Variants in FTO observed in about 807,000 individuals in gnomAD.
The protein encoded by FTO is FTO alpha-ketoglutarate dependent dioxygenase.
Under a neutral mutation model 63.9 loss-of-function variants are expected in FTO, and 47 were observed. The observed-to-expected ratio is 0.74, with a 90% confidence interval of 0.58 to 0.94. The LOEUF (loss-of-function observed/expected upper bound fraction) is 0.94. FTO is among the 40% of genes least tolerant of loss of function. The probability of loss-of-function intolerance (pLI) is 0.00; values close to 1 mark genes in which losing one functional copy is unlikely to be tolerated. For missense variants in FTO, 562 were observed against 618.1 expected (o/e 0.91, Z 0.96); for synonymous variants, 207 against 224.4 (o/e 0.92, Z 0.69).
chr16:54,008,338 A>G (rs2084258974), intron 8 of FTO: 1 of 149,938 alleles, frequency 6.7e-6, no homozygotes. Flanking sequence ...ATCCCCTTTT[A>G]TTTGATGTCT....
chr16:53,973,854 A>C (rs1331531182), intron 8 of FTO, among the ~76,000 whole-genome samples: 1 of 152,222 alleles, frequency 6.6e-6, no homozygotes, highest in Non-Finnish European at 1.5e-5. Context: ...AGATCTGTCC[A>C]CTTTACCGTA....
At chr16:54,026,290 C>A (rs1256272188) in intron 8 of FTO, among the ~76,000 whole-genome samples, 1 of 152,136 alleles carries the variant, frequency 6.6e-6, no homozygotes, top group Non-Finnish European at 1.5e-5. Context: ...AGGTTTCCCT[C>A]ACGGTCACAA....
chr16:54,035,157 A>G (rs2084915330), intron 8 of FTO, among the ~76,000 whole-genome samples: 1 of 152,246 alleles, frequency 6.6e-6, no homozygotes, highest in Non-Finnish European at 1.5e-5. Context: ...CTGATTTGTC[A>G]TTCTTGTTTT....
intron 8 of FTO, among the ~76,000 whole-genome samples, chr16:54,050,601 C>T (rs1222673135): frequency 6.6e-6 from 1 of 152,106 alleles, no homozygotes; most frequent in Non-Finnish European, 1.5e-5. Flanking sequence ...CTCCTACCCA[C>T]ACCCCCAACC....
intron 1 of FTO, among the ~76,000 whole-genome samples, chr16:53,763,356 T>C (rs2077118409): frequency 6.6e-6 from 1 of 152,234 alleles, no homozygotes; most frequent in Non-Finnish European, 1.5e-5. Flanking sequence ...ATGTGCTTTA[T>C]TGAATTTAAT....
intron 7 of FTO, among the ~76,000 whole-genome samples, chr16:53,926,482 G>A (rs1406196918): frequency 1.3e-5 from 2 of 152,190 alleles, no homozygotes; most frequent in African/African-American, 4.8e-5. Flanking sequence ...TTAAGAAATG[G>A]TCATGGACCC....
Position 53,879,986 on chromosome 16 carries a change from A to G in FTO, c.1118A>G (p.Glu373Gly). Residue 373 changes from glutamate to glycine, a missense_variant and splice_region_variant, in exon 6 of 9, where the codon GAG (glutamate) becomes GGG (glycine). Transcript: ENST00000471389. The stretch of plus-strand genomic sequence containing the variant: ...AAACAAGGAGAAGAAATTCATAATG[A>G]GGTAAGGACTTTCTTTTTTTTTTTT... ...VLKQGEEIHN[E>G]VEFEWLRQFW... 6.2e-7 allele frequency: 1 copy of G among 1,608,776 alleles called. No individual in the cohort carries two copies. Among genetic ancestry groups the G allele is most frequent in the African/African-American group, 1.3e-5 (1 of 74,500 alleles).
At chr16:54,076,187 G>A (rs1454602344) in intron 8 of FTO, among the ~76,000 whole-genome samples, 1 of 152,138 alleles carries the variant, frequency 6.6e-6, no homozygotes, top group Non-Finnish European at 1.5e-5. Context: ...ACTCTTTTTA[G>A]TTATCATTTG....
At chr16:53,860,937 G>A (rs13337652) in intron 4 of FTO, among the ~76,000 whole-genome samples, 4,088 of 151,456 alleles carry the variant, frequency 0.027, 182 homozygotes, top group African/African-American at 0.094. Context: ...GAGGTCATGG[G>A]TATATTAATT....
At chr16:53,947,141 G>A (rs1394726920) in intron 8 of FTO, among the ~76,000 whole-genome samples, 1 of 152,198 alleles carries the variant, frequency 6.6e-6, no homozygotes, top group African/African-American at 2.4e-5. Flanking sequence ...CCTTGCTGCT[G>A]CACTGTGAAG....
At chr16:53,972,075 A>G (rs1374779120) in intron 8 of FTO, among the ~76,000 whole-genome samples, 3 of 152,176 alleles carry the variant, frequency 2.0e-5, no homozygotes, top group Non-Finnish European at 4.4e-5. Flanking sequence ...AGCCAGTCAT[A>G]TGGAGACAGG....
At position 53,736,156 on chromosome 16, in the gene FTO, T is replaced by G. The variant is rs74942014; in HGVS notation, c.45+31927T>G. On this transcript the variant is annotated intron_variant, in intron 1 of 8. Transcript: ENST00000471389. ...CTAGCAGCTGGTAGAGTTGAGGGTT[T>G]GAATATAGGCTGAACATCTGGCTCC... 2.4e-3 allele frequency among the ~76,000 whole-genome samples: 361 copies of G among 152,298 alleles called. 4 individuals carry two copies. In the East Asian group the frequency reaches 0.026, roughly 11 times the overall value.
At chr16:54,056,584 C>G (rs1174491517) in intron 8 of FTO, among the ~76,000 whole-genome samples, 3 of 152,202 alleles carry the variant, frequency 2.0e-5, no homozygotes, top group Non-Finnish European at 4.4e-5. Flanking sequence ...ACTACTCACG[C>G]TGGGAGAAGC....
Position 54,020,241 on chromosome 16 carries a change from T to G in FTO, c.1364+86132T>G, listed in dbSNP as rs1041922342. Among the ~76,000 whole-genome samples, 5 of 152,220 alleles carry G rather than the reference T, an allele frequency of 3.3e-5. No individual in the cohort carries two copies. In the East Asian group the frequency reaches 5.8e-4, roughly 18 times the overall value. On this transcript the variant is annotated intron_variant, in intron 8 of 8. Transcript: ENST00000471389. The stretch of plus-strand genomic sequence containing the variant: ...TTATAGAGTACAGATATTGTCTCTT[T>G]ATTAATGCATGATTTATAAATATTA...
At chr16:54,092,175 T>TG (rs1567566599) in intron 8 of FTO, among the ~76,000 whole-genome samples, 1 of 152,088 alleles carries the variant, frequency 6.6e-6, no homozygotes, top group East Asian at 1.9e-4. Flanking sequence ...CCCAGCTACT[T>TG]GGGGGGCTGA....
At chr16:54,020,309 C>T (rs2084558761) in intron 8 of FTO, among the ~76,000 whole-genome samples, 1 of 152,070 alleles carries the variant, frequency 6.6e-6, no homozygotes, top group African/African-American at 2.4e-5. Flanking sequence ...TCAAAGCTGC[C>T]CATCCCTTCA....
At chr16:53,849,955 C>T (rs1277388723) in intron 4 of FTO, among the ~76,000 whole-genome samples, 2 of 152,206 alleles carry the variant, frequency 1.3e-5, no homozygotes, top group Non-Finnish European at 2.9e-5. Flanking sequence ...TCTCTGACCC[C>T]ATTCCCTTCC....
At chr16:54,100,392 A>G (rs1278190678) in intron 8 of FTO, among the ~76,000 whole-genome samples, 1 of 152,098 alleles carries the variant, frequency 6.6e-6, no homozygotes, top group African/African-American at 2.4e-5. Flanking sequence ...TTGCTCTGCC[A>G]CCTAGGCTGG....
chr16:53,995,608 A>G (rs1001165371), intron 8 of FTO, among the ~76,000 whole-genome samples: 2 of 152,230 alleles, frequency 1.3e-5, no homozygotes, highest in Non-Finnish European at 2.9e-5. Context: ...CGTGAACTTT[A>G]CTAAAATGAA....
Sources: gnomAD v4.1 joint callset for allele counts (sites outside exome capture counted in the v4.1 genomes callset) on GRCh38, gnomAD v4.1.1 for gene constraint, MANE v1.5 for transcripts, NCBI Gene and HGNC (gene_info 2026-07-23, HGNC 2026-07-21) for gene names.